Variants in ZNF385B observed in about 807,000 individuals in gnomAD.
ZNF385B encodes the protein zinc finger protein 533.
ZNF385B carries 23 observed loss-of-function variants against 39.2 expected under a neutral mutation model. The ratio of observed to expected loss-of-function variants is 0.59; its 90% CI spans 0.42 to 0.83. ZNF385B has a LOEUF of 0.83. Ranked by LOEUF, ZNF385B falls within the 40% of genes least tolerant of loss-of-function variation. ZNF385B has a pLI of 0.00. For missense variants in ZNF385B, 552 were observed against 598.9 expected, an observed-to-expected ratio of 0.92 and a Z score of 0.82; for synonymous variants, 205 against 222.6, an observed-to-expected ratio of 0.92 and a Z score of 0.70.
intron 1 of ZNF385B, among the ~76,000 whole-genome samples, chr2:179,854,985 T>C (rs1478081316): frequency 6.6e-6 from 1 of 152,164 alleles, no homozygotes; most frequent in Admixed American, 6.5e-5. Context: ...TACAGTTCTT[T>C]CACATGCAAA....
At chr2:179,704,351 G>A (rs2106370659) in intron 3 of ZNF385B, among the ~76,000 whole-genome samples, 1 of 152,276 alleles carries the variant, frequency 6.6e-6, no homozygotes, top group Admixed American at 6.5e-5. Flanking sequence ...ATAGAAAAAT[G>A]TTAATAGTAG....
intron 1 of ZNF385B, among the ~76,000 whole-genome samples, chr2:179,804,564 T>C (rs1706232745): frequency 6.6e-6 from 1 of 152,212 alleles, no homozygotes; most frequent in South Asian, 2.1e-4. Context: ...TCAAGGTATG[T>C]GACCATGTGC....
chr2:179,610,067 A>G (rs1454683975), intron 3 of ZNF385B, among the ~76,000 whole-genome samples: 1 of 152,070 alleles, frequency 6.6e-6, no homozygotes, highest in Non-Finnish European at 1.5e-5. Context: ...TTAACTTGGT[A>G]TGATCTCATT....
intron 5 of ZNF385B, among the ~76,000 whole-genome samples, chr2:179,518,151 T>C (rs1040626887): frequency 1.3e-5 from 2 of 152,226 alleles, no homozygotes; most frequent in African/African-American, 2.4e-5. Flanking sequence ...TAAAATGGTA[T>C]AGTTGAGACT....
At chr2:179,485,557 C>A (rs888965325) in intron 5 of ZNF385B, among the ~76,000 whole-genome samples, 2 of 152,024 alleles carry the variant, frequency 1.3e-5, no homozygotes, top group Non-Finnish European at 1.5e-5. Context: ...GGGTGATAGG[C>A]CTACTTTATC....
intron 3 of ZNF385B, among the ~76,000 whole-genome samples, chr2:179,741,932 G>A (rs74679142): frequency 6.6e-6 from 1 of 151,884 alleles, no homozygotes; most frequent in African/African-American, 2.4e-5. Flanking sequence ...ACGGGTAGGG[G>A]AGAAGGCATT....
At chr2:179,753,563 T>A (rs71551739) in intron 3 of ZNF385B, among the ~76,000 whole-genome samples, 1 of 152,184 alleles carries the variant, frequency 6.6e-6, no homozygotes, top group Non-Finnish European at 1.5e-5. Flanking sequence ...ATTATTCCTA[T>A]CCATGACCAT....
chr2:179,472,872 G>A (rs906499373), intron 6 of ZNF385B, among the ~76,000 whole-genome samples: 1 of 152,076 alleles, frequency 6.6e-6, no homozygotes, highest in Non-Finnish European at 1.5e-5. Flanking sequence ...GTGTTAGATC[G>A]TTCTTTCAAT....
At chr2:179,859,042 T>C (rs1422022389) in intron 1 of ZNF385B, among the ~76,000 whole-genome samples, 2 of 152,162 alleles carry the variant, frequency 1.3e-5, no homozygotes, top group East Asian at 3.9e-4. Context: ...TTCAGAATTG[T>C]TTTGAAAGAT....
At chr2:179,497,074 C>T (rs2056295389) in intron 5 of ZNF385B, among the ~76,000 whole-genome samples, 1 of 152,068 alleles carries the variant, frequency 6.6e-6, no homozygotes, top group African/African-American at 2.4e-5. Context: ...AACAAACAAA[C>T]AGAGAAACAA....
At chr2:179,746,275 G>A (rs1702376865) in intron 3 of ZNF385B, among the ~76,000 whole-genome samples, 1 of 152,130 alleles carries the variant, frequency 6.6e-6, no homozygotes, top group South Asian at 2.1e-4. Context: ...AGGATACAGG[G>A]AAGAAATCAG....
At chr2:179,808,163 G>A (rs1706503160) in intron 1 of ZNF385B, among the ~76,000 whole-genome samples, 1 of 151,882 alleles carries the variant, frequency 6.6e-6, no homozygotes, top group African/African-American at 2.4e-5. Flanking sequence ...CTCCCCAGCA[G>A]CTGGGACTAC....
chr2:179,591,562 CT>C, intron 3 of ZNF385B, among the ~76,000 whole-genome samples: 1 of 152,232 alleles, frequency 6.6e-6, no homozygotes, highest in East Asian at 1.9e-4. Context: ...TTAACTTAAT[CT>C]TTTCTAAACA....
At chr2:179,652,747 T>TTGAA (rs1559033556) in intron 3 of ZNF385B, among the ~76,000 whole-genome samples, 1 of 151,980 alleles carries the variant, frequency 6.6e-6, no homozygotes, top group East Asian at 1.9e-4. Flanking sequence ...AAGTAATTTT[T>TTGAA]TGAATGAATG....
At chr2:179,612,656 T>C (rs1424632853) in intron 3 of ZNF385B, among the ~76,000 whole-genome samples, 2 of 152,318 alleles carry the variant, frequency 1.3e-5, no homozygotes, top group Non-Finnish European at 2.9e-5. Context: ...CCACTGGGAC[T>C]GCGCTGTGTC....
chr2:179,669,556 T>C (rs1274099683), intron 3 of ZNF385B, among the ~76,000 whole-genome samples: 1 of 152,176 alleles, frequency 6.6e-6, no homozygotes, highest in Admixed American at 6.5e-5. Context: ...CCTCTAGGTA[T>C]CTTGACTTTT....
intron 3 of ZNF385B, among the ~76,000 whole-genome samples, chr2:179,623,634 T>C (rs1404199954): frequency 6.6e-6 from 1 of 152,104 alleles, no homozygotes; most frequent in Non-Finnish European, 1.5e-5. Context: ...GCAACTGTGG[T>C]AGGCAGTACT....
chr2:179,529,005 G>A (rs2059099531), intron 4 of ZNF385B, among the ~76,000 whole-genome samples: 1 of 152,194 alleles, frequency 6.6e-6, no homozygotes, highest in African/African-American at 2.4e-5. Context: ...TCTGAAATGG[G>A]TATGGGACTT....
chr2:179,805,005 G>T (rs1158890354), intron 1 of ZNF385B, among the ~76,000 whole-genome samples: 2 of 152,176 alleles, frequency 1.3e-5, no homozygotes, highest in Non-Finnish European at 2.9e-5. Context: ...TTCTCATCAA[G>T]AGGTGGGCAA....
Sources: allele counts gnomAD v4.1 joint callset (sites outside exome capture counted in the v4.1 genomes callset), GRCh38; gene constraint gnomAD v4.1.1; transcripts MANE v1.5; gene names NCBI Gene and HGNC (gene_info 2026-07-23, HGNC 2026-07-21).